The following ASIC2 variants were observed in gnomAD, a reference collection of about 807,000 sequenced individuals.
ASIC2 encodes acid-sensing ion channel 2.
A neutral mutation model predicts 57.3 loss-of-function variants in ASIC2; 25 were observed. The observed-to-expected ratio is 0.44, with a 90% CI of 0.32 to 0.61. ASIC2 has a LOEUF of 0.61. ASIC2 is among the 20% of genes least tolerant of loss of function. The probability of loss-of-function intolerance (pLI) is 0.06; values close to 1 mark genes in which losing one functional copy is unlikely to be tolerated. For synonymous variants in ASIC2, 319 were observed against 307.5 expected (o/e 1.04, Z -0.39); for missense variants, 641 against 738.1 (o/e 0.87, Z 1.52).
intron 1 of ASIC2, among the ~76,000 whole-genome samples, chr17:34,103,159 G>C (rs1322949347): frequency 6.6e-6 from 1 of 152,056 alleles, no homozygotes; most frequent in South Asian, 2.1e-4. Context: ...GCAGGGGAGT[G>C]GGAGGGGGGA....
At chr17:33,726,358 T>G (rs984853534) in intron 1 of ASIC2, among the ~76,000 whole-genome samples, 1 of 152,158 alleles carries the variant, frequency 6.6e-6, no homozygotes, top group African/African-American at 2.4e-5. Context: ...CCCAGTCAGC[T>G]CATAGAACCA....
intron 1 of ASIC2, among the ~76,000 whole-genome samples, chr17:33,995,575 G>A (rs552449388): frequency 6.6e-6 from 1 of 151,698 alleles, no homozygotes; most frequent in South Asian, 2.1e-4. Flanking sequence ...ATATATTCCC[G>A]GCATACCATG....
chr17:34,060,845 G>T (rs1180643246), intron 1 of ASIC2, among the ~76,000 whole-genome samples: 1 of 151,986 alleles, frequency 6.6e-6, no homozygotes, highest in Non-Finnish European at 1.5e-5. Flanking sequence ...AAAATTCTGG[G>T]ATTATGTTAA....
chr17:33,898,692 C>G (rs1951412997), intron 1 of ASIC2, among the ~76,000 whole-genome samples: 1 of 152,124 alleles, frequency 6.6e-6, no homozygotes, highest in Admixed American at 6.5e-5. Context: ...TCCAAGATGC[C>G]ACGTGGCATT....
chr17:33,219,352 G>A (rs936968031), intron 1 of ASIC2, among the ~76,000 whole-genome samples: 3 of 152,096 alleles, frequency 2.0e-5, no homozygotes, highest in Admixed American at 6.5e-5. Context: ...TAATCTTCAC[G>A]ATGACCTGAT....
chr17:33,438,169 G>A (rs1262608682), intron 1 of ASIC2, among the ~76,000 whole-genome samples: 3 of 152,180 alleles, frequency 2.0e-5, no homozygotes, highest in Non-Finnish European at 4.4e-5. Flanking sequence ...CAAAATTTCA[G>A]GGTAATTGTG....
At chr17:33,724,752 C>T (rs1490688798) in intron 1 of ASIC2, among the ~76,000 whole-genome samples, 2 of 151,880 alleles carry the variant, frequency 1.3e-5, no homozygotes, top group African/African-American at 2.4e-5. Flanking sequence ...CATTAAACAC[C>T]CAATGAAATG....
chr17:33,409,224 T>A (rs771879571), intron 1 of ASIC2, among the ~76,000 whole-genome samples: 2 of 151,936 alleles, frequency 1.3e-5, no homozygotes, highest in Admixed American at 6.6e-5. Context: ...AAAAAATAAT[T>A]TTTTTAAAAA....
At chr17:33,177,174 C>G (rs1905793047) in intron 1 of ASIC2, among the ~76,000 whole-genome samples, 1 of 152,150 alleles carries the variant, frequency 6.6e-6, no homozygotes, top group Admixed American at 6.5e-5. Flanking sequence ...GGGAAGTCCC[C>G]AATCCTTGCA....
At chr17:33,513,114 G>A (rs1378726431) in intron 1 of ASIC2, among the ~76,000 whole-genome samples, 1 of 152,260 alleles carries the variant, frequency 6.6e-6, no homozygotes, top group African/African-American at 2.4e-5. Context: ...GGGTATAAAT[G>A]ATGAGGGTGC....
upstream of ASIC2, among the ~76,000 whole-genome samples, chr17:33,297,382 G>A (rs944456409): frequency 2.6e-5 from 4 of 152,064 alleles, no homozygotes; most frequent in Non-Finnish European, 5.9e-5. Flanking sequence ...GCTCTTGACC[G>A]TCCCCTTGCT....
chr17:33,625,129 G>GTCTGTCAA (rs1555548113), intron 1 of ASIC2, among the ~76,000 whole-genome samples: 1 of 146,340 alleles, frequency 6.8e-6, no homozygotes, highest in Non-Finnish European at 1.5e-5. Context: ...TGGCCTCTCT[G>GTCTGTCAA]TCTATCTATC....
intron 1 of ASIC2, among the ~76,000 whole-genome samples, chr17:33,881,641 G>A (rs1484034536): frequency 6.6e-6 from 1 of 152,138 alleles, no homozygotes; most frequent in African/African-American, 2.4e-5. Flanking sequence ...AACATTCCAT[G>A]CTCATGGGTA....
At chr17:34,099,630 A>AAAGAGGAAAGAAAGAAAAAGAG (rs1567821438) in intron 1 of ASIC2, among the ~76,000 whole-genome samples, 1 of 142,650 alleles carries the variant, frequency 7.0e-6, no homozygotes, top group Non-Finnish European at 1.5e-5. Context: ...AAGAAAAAGA[A>AAAGAGGAAAGAAAGAAAAAGAG]AAAGAAAGAA....
chr17:33,977,560 C>A lies in ASIC2; in HGVS notation c.555+178418G>T, dbSNP rs142424038. On this transcript the variant is annotated intron_variant, in intron 1 of 9. Transcript: ENST00000359872. ...ATTGAGCACCTACTGTTAGCCAGGC[C>A]TTGTGCTTGTTTGAAGGATACAGTT... 4.9e-3 allele frequency among the ~76,000 whole-genome samples: 753 copies of A among 152,280 alleles called. 7 individuals are homozygous for A. Among genetic ancestry groups the A allele is most frequent in the African/African-American group, 0.016 (684 of 41,530 alleles).
chr17:33,508,994 G>A (rs1052048296), intron 1 of ASIC2, among the ~76,000 whole-genome samples: 6 of 152,196 alleles, frequency 3.9e-5, no homozygotes, highest in Non-Finnish European at 8.8e-5. Context: ...CACGTTTGGG[G>A]ATCTTTGGGC....
intron 1 of ASIC2, among the ~76,000 whole-genome samples, chr17:33,755,492 T>C (rs1202201977): frequency 6.6e-6 from 1 of 152,244 alleles, no homozygotes. Context: ...CTTTGGGATG[T>C]CACTAAGCTC....
At chr17:33,174,379 C>T (rs964235939) in intron 1 of ASIC2, among the ~76,000 whole-genome samples, 4 of 151,062 alleles carry the variant, frequency 2.6e-5, no homozygotes, top group Non-Finnish European at 5.9e-5. Context: ...TGAGATCACA[C>T]CCCTGCACTC....
At chr17:33,278,119 T>A (rs111952466) in intron 1 of ASIC2, among the ~76,000 whole-genome samples, 3,335 of 151,876 alleles carry the variant, frequency 0.022, 97 homozygotes, top group African/African-American at 0.071. Context: ...AGTGAAGATG[T>A]CACTTCCTCA....
Sources: allele counts gnomAD v4.1 joint callset (sites outside exome capture counted in the v4.1 genomes callset), GRCh38; gene constraint gnomAD v4.1.1; transcripts MANE v1.5; gene names NCBI Gene and HGNC (gene_info 2026-07-23, HGNC 2026-07-21).